The following SYT1 variants were observed in gnomAD, a reference collection of about 807,000 sequenced individuals.
SYT1 encodes the protein synaptotagmin-1.
SYT1 carries 8 observed loss-of-function variants against 44.8 expected under a neutral mutation model. The observed-to-expected ratio is 0.18, with a 90% confidence interval of 0.10 to 0.32. The LOEUF (loss-of-function observed/expected upper bound fraction) is 0.32. Ranked by LOEUF, SYT1 falls within the 10% of genes least tolerant of loss-of-function variation. SYT1 has a pLI of 1.00. For synonymous variants in SYT1, 154 were observed against 188.8 expected (o/e 0.82, Z 1.51); for missense variants, 286 against 509.3 (o/e 0.56, Z 4.22).
intron 3 of SYT1, among the ~76,000 whole-genome samples, chr12:79,143,347 G>C (rs151224858): frequency 6.6e-6 from 1 of 152,148 alleles, no homozygotes; most frequent in Non-Finnish European, 1.5e-5. Context: ...TTTTAGGTAA[G>C]CTTATGTAAA....
chr12:78,867,139 G>A (rs1272529461), intron 1 of SYT1, among the ~76,000 whole-genome samples: 1 of 151,764 alleles, frequency 6.6e-6, no homozygotes, highest in East Asian at 1.9e-4. Flanking sequence ...AAGGACAAAG[G>A]GACAATCACT....
intron 9 of SYT1, among the ~76,000 whole-genome samples, chr12:79,437,451 C>T (rs1870154843): frequency 6.6e-6 from 1 of 152,070 alleles, no homozygotes; most frequent in African/African-American, 2.4e-5. Context: ...AGGTTGGAAT[C>T]ATGGCACAAG....
At position 79,080,303 on chromosome 12, in the gene SYT1, T is replaced by G. The variant is rs545968984; in HGVS notation, c.-18+32941T>G. Among the ~76,000 whole-genome samples, 3 of 152,276 alleles carry G rather than the reference T, an allele frequency of 2.0e-5. No individual in the cohort carries two copies. The South Asian group carries it at 6.2e-4, about 32-fold the overall frequency. ...TTATATTATATCAGACATCTGCATA[T>G]TTGGGACATCTGGATATTTGACAAC... On this transcript the variant is annotated intron_variant, in intron 3 of 10. Transcript: ENST00000261205.
Position 79,241,159 on chromosome 12 carries a change from G to C in SYT1, c.166+23474G>C, listed in dbSNP as rs533793522. Among the ~76,000 whole-genome samples the C allele has an allele frequency of 2.0e-5, 3 of 152,250 alleles. No homozygotes were observed. The South Asian group carries it at 6.2e-4, about 32-fold the overall frequency. ...ACTGCACTTCAGCCTGAACAACAGA[G>C]TGAAACCCTGTCTCAAAACAAAAAC... is the stretch of plus-strand genomic sequence containing the variant. On this transcript the variant is annotated intron_variant, in intron 4 of 10. Coordinates refer to ENST00000261205, the MANE Select transcript of SYT1 (RefSeq NM_005639.3).
chr12:79,078,951 C>T (rs1020749671), intron 3 of SYT1, among the ~76,000 whole-genome samples: 1 of 152,000 alleles, frequency 6.6e-6, no homozygotes, highest in African/African-American at 2.4e-5. Context: ...TAAATATATT[C>T]AGCTATATTA....
chr12:79,036,360 G>GT (rs1247050281), intron 2 of SYT1: 7 of 151,808 alleles, frequency 4.6e-5, no homozygotes, highest in African/African-American at 1.7e-4. Context: ...TGCCAGATGG[G>GT]TATTGAATTA....
intron 2 of SYT1, among the ~76,000 whole-genome samples, chr12:79,030,977 C>T (rs867019676): frequency 6.6e-6 from 1 of 151,122 alleles, no homozygotes; most frequent in Non-Finnish European, 1.5e-5. Flanking sequence ...CCAATGCGTA[C>T]TCACTCCCAA....
At chr12:79,199,122 T>A (rs74815031) in intron 3 of SYT1, among the ~76,000 whole-genome samples, 2,260 of 152,266 alleles carry the variant, frequency 0.015, 40 homozygotes, top group African/African-American at 0.045. Context: ...TGCTGTTGTC[T>A]AAGTTCTTTT....
intron 4 of SYT1, among the ~76,000 whole-genome samples, chr12:79,284,244 G>A (rs1879191705): frequency 6.6e-6 from 1 of 151,798 alleles, no homozygotes; most frequent in South Asian, 2.1e-4. Context: ...ATGGTGTAAG[G>A]CATACCAAAT....
intron 2 of SYT1, among the ~76,000 whole-genome samples, chr12:78,990,179 A>T (rs560927944): frequency 7.2e-5 from 11 of 152,224 alleles, no homozygotes; most frequent in African/African-American, 2.6e-4. Context: ...GAATGCTGCC[A>T]TTCACCAGCA....
intron 3 of SYT1, among the ~76,000 whole-genome samples, chr12:79,178,839 G>A (rs970348694): frequency 5.4e-5 from 8 of 149,160 alleles, no homozygotes; most frequent in South Asian, 2.1e-4. Flanking sequence ...GTGCGATGGC[G>A]TGATCTCGGC....
At chr12:79,441,726 A>G (rs776468646) in intron 9 of SYT1, among the ~76,000 whole-genome samples, 1 of 152,142 alleles carries the variant, frequency 6.6e-6, no homozygotes, top group Non-Finnish European at 1.5e-5. Context: ...TCCTAAGTTA[A>G]CGCTTTGACC....
intron 9 of SYT1, among the ~76,000 whole-genome samples, chr12:79,369,159 C>T (rs1005012130): frequency 2.6e-5 from 4 of 152,120 alleles, no homozygotes; most frequent in Non-Finnish European, 5.9e-5. Context: ...AAACCTGAAA[C>T]CTATCTATAT....
chr12:78,904,307 T>G (rs929337856), intron 1 of SYT1, among the ~76,000 whole-genome samples: 1 of 152,138 alleles, frequency 6.6e-6, no homozygotes, highest in African/African-American at 2.4e-5. Context: ...ATGTGATTTA[T>G]CCATTGGAAA....
intron 2 of SYT1, among the ~76,000 whole-genome samples, chr12:79,002,287 C>G (rs12368656): frequency 6.6e-6 from 1 of 152,070 alleles, no homozygotes; most frequent in African/African-American, 2.4e-5. Context: ...AGTCGAAAGA[C>G]TATGAAATAA....
chr12:79,449,053 C>A lies in SYT1; in HGVS notation c.1198C>A (p.Arg400=). Residue 400 remains arginine (R), a synonymous_variant, in exon 11 of 11, where the codon CGA becomes AGA. Transcript: ENST00000261205. The part of the protein sequence containing the change: ...HWSDMLANPR[R]PIAQWHTLQV... ...GTCAGACATGCTGGCCAACCCCAGG[C>A]GACCTATTGCCCAGTGGCACACCCT... 6.2e-7 allele frequency: 1 copy of A among 1,614,180 alleles called. No homozygotes were observed.
intron 3 of SYT1, among the ~76,000 whole-genome samples, chr12:79,171,049 A>G (rs984955963): frequency 6.6e-6 from 1 of 151,948 alleles, no homozygotes; most frequent in African/African-American, 2.4e-5. Context: ...CCATTGGTCT[A>G]TGTGTCTCTT....
chr12:78,949,725 C>T (rs2137289392), intron 1 of SYT1, among the ~76,000 whole-genome samples: 1 of 152,032 alleles, frequency 6.6e-6, no homozygotes, highest in Admixed American at 6.6e-5. Flanking sequence ...ATTTTCAAAT[C>T]TCTCATTTTG....
intron 3 of SYT1, among the ~76,000 whole-genome samples, chr12:79,191,729 C>T (rs562123825): frequency 3.9e-5 from 6 of 152,162 alleles, no homozygotes; most frequent in African/African-American, 1.4e-4. Context: ...TTGTAGTGGA[C>T]ATTGCTATGC....
Sources: gnomAD v4.1 joint callset for allele counts (sites outside exome capture counted in the v4.1 genomes callset) on GRCh38, gnomAD v4.1.1 for gene constraint, MANE v1.5 for transcripts, NCBI Gene and HGNC (gene_info 2026-07-23, HGNC 2026-07-21) for gene names.